Variants in ENOX1 observed in about 807,000 individuals in gnomAD.
The protein encoded by ENOX1 is ecto-NOX disulfide-thiol exchanger 1, also known as candidate growth-related and time keeping constitutive hydroquinone (NADH) oxidase.
ENOX1 carries 42 observed loss-of-function variants against 82.5 expected under a neutral mutation model. The ratio of observed to expected loss-of-function variants is 0.51; its 90% CI spans 0.40 to 0.66. The LOEUF (loss-of-function observed/expected upper bound fraction) is 0.66. ENOX1 is among the 30% of genes least tolerant of loss of function. ENOX1 has a pLI of 0.00. For missense variants in ENOX1, 608 were observed against 811.6 expected (o/e 0.75, Z 3.05); for synonymous variants, 271 against 282.2 (o/e 0.96, Z 0.40).
intron 3 of ENOX1, among the ~76,000 whole-genome samples, chr13:43,439,039 A>AACTTTTTTTTTTTTTTTTTTT (rs1566220724): frequency 8.2e-6 from 1 of 121,740 alleles, no homozygotes; most frequent in Non-Finnish European, 1.9e-5. Flanking sequence ...CTGTCTTTTA[A>AACTTTTTTTTTTTTTTTTTTT]TCTTTTTTTT....
intron 2 of ENOX1, among the ~76,000 whole-genome samples, chr13:43,563,743 A>C (rs1393307086): frequency 6.6e-6 from 1 of 152,110 alleles, no homozygotes; most frequent in Non-Finnish European, 1.5e-5. Flanking sequence ...TACATTGGGA[A>C]ACTTAAAAGA....
chr13:43,310,568 T>C (rs111798246), intron 11 of ENOX1, among the ~76,000 whole-genome samples: 215 of 152,294 alleles, frequency 1.4e-3, no homozygotes, highest in African/African-American at 5.0e-3. Flanking sequence ...AGTGCTTTGT[T>C]AACATGACAC....
At chr13:43,695,326 C>A (rs747928682) in intron 1 of ENOX1, among the ~76,000 whole-genome samples, 6 of 152,102 alleles carry the variant, frequency 3.9e-5, no homozygotes, top group Non-Finnish European at 8.8e-5. Flanking sequence ...CCTCTCTGAG[C>A]CTTGATCTCC....
At chr13:43,706,323 T>C (rs1194925529) in intron 1 of ENOX1, among the ~76,000 whole-genome samples, 1 of 151,452 alleles carries the variant, frequency 6.6e-6, no homozygotes, top group Non-Finnish European at 1.5e-5. Flanking sequence ...AAAGAGACAG[T>C]AATGAATATC....
intron 2 of ENOX1, among the ~76,000 whole-genome samples, chr13:43,520,476 G>A (rs967289942): frequency 3.9e-5 from 6 of 151,992 alleles, no homozygotes; most frequent in East Asian, 1.9e-4. Context: ...AAAACTCTCC[G>A]GTATCACTAA....
intron 1 of ENOX1, among the ~76,000 whole-genome samples, chr13:43,708,193 T>C (rs751798038): frequency 2.4e-4 from 36 of 152,124 alleles, no homozygotes; most frequent in Non-Finnish European, 4.3e-4. Context: ...CTAGGAACAT[T>C]TGTCTGGTGA....
intron 5 of ENOX1, among the ~76,000 whole-genome samples, chr13:43,390,546 G>C (rs1038808407): frequency 6.6e-6 from 1 of 152,024 alleles, no homozygotes; most frequent in Non-Finnish European, 1.5e-5. Context: ...TTCTGTCTCA[G>C]TTTCACCATC....
At chr13:43,634,906 T>C (rs2083355895) in intron 2 of ENOX1, among the ~76,000 whole-genome samples, 1 of 152,192 alleles carries the variant, frequency 6.6e-6, no homozygotes. Flanking sequence ...TCTTAGAACA[T>C]GTTTCTACAT....
At chr13:43,500,041 T>A (rs1159153394) in intron 2 of ENOX1, among the ~76,000 whole-genome samples, 1 of 151,984 alleles carries the variant, frequency 6.6e-6, no homozygotes, top group African/African-American at 2.4e-5. Context: ...GAAAGAAAAG[T>A]GTGAGGAAAT....
chr13:43,492,256 G>C (rs1201063645), intron 2 of ENOX1, among the ~76,000 whole-genome samples: 1 of 152,182 alleles, frequency 6.6e-6, no homozygotes, highest in Non-Finnish European at 1.5e-5. Flanking sequence ...TGCCCCAGTT[G>C]AGCAGAGATG....
rs544191057 is a variant in ENOX1, at chr13:43,245,562, T to C, written c.1612-8824A>G. On this transcript the variant is annotated intron_variant, in intron 14 of 16. Transcript: ENST00000690772. ...ACATAAGAATGCATCCATCCCCCAA[T>C]AGTGAGCAGGATCGCAGGAATTTCC... 9.9e-5 allele frequency among the ~76,000 whole-genome samples: 15 copies of C among 152,256 alleles called. No individual in the cohort carries two copies. In the East Asian group the frequency reaches 1.9e-3, roughly 20 times the overall value.
Position 43,344,683 on chromosome 13 carries a change from C to T in ENOX1, c.891G>A (p.Arg297=), listed in dbSNP as rs2049274016. The change falls in exon 9 of 17, where the codon CGG becomes CGA. Residue 297 remains arginine (R), a synonymous_variant. Coordinates refer to ENST00000690772, the MANE Select transcript of ENOX1 (RefSeq NM_001347969.2). The part of the protein sequence containing the change: ...LSWIERGEVN[R]RSANQFYSMV... ...TGGAATAGAACTGGTTTGCAGAGCG[C>T]CGATTCACTTCCCCTCGTTCAATCC... 1 of 1,614,146 alleles carries T rather than the reference C, an allele frequency of 6.2e-7. No individual in the cohort carries two copies. The highest frequency in any genetic ancestry group is 8.5e-7 in the Non-Finnish European group (1 of 1,180,040).
chr13:43,626,227 CTTTT>C (rs1215274040), intron 2 of ENOX1, among the ~76,000 whole-genome samples: 1 of 151,682 alleles, frequency 6.6e-6, no homozygotes, highest in African/African-American at 2.4e-5. Context: ...TGTATCCTCC[CTTTT>C]TTGTCAGTCT....
chr13:43,349,326 A>G (rs1046563572), intron 8 of ENOX1, among the ~76,000 whole-genome samples: 2 of 152,242 alleles, frequency 1.3e-5, no homozygotes, highest in Non-Finnish European at 2.9e-5. Flanking sequence ...GGCACTAAAC[A>G]GTTTATCAAA....
chr13:43,475,794 C>CAAAAAAAAAAA (rs10624980), intron 3 of ENOX1, among the ~76,000 whole-genome samples: 26 of 70,924 alleles, frequency 3.7e-4, no homozygotes, highest in Non-Finnish European at 4.8e-4. Context: ...CATAACTGAC[C>CAAAAAAAAAAA]AAAAAAAAAA....
intron 2 of ENOX1, among the ~76,000 whole-genome samples, chr13:43,587,525 G>A (rs1356806449): frequency 6.6e-6 from 1 of 152,138 alleles, no homozygotes. Flanking sequence ...TCCCTGACAG[G>A]TGAGAATGGC....
rs550237100 is a variant in ENOX1, at chr13:43,523,879, A to ATT, written c.-218-39729_-218-39728dup. 3.7e-4 allele frequency among the ~76,000 whole-genome samples: 56 copies of ATT among 152,286 alleles called. 1 individual carries two copies. The East Asian group carries it at 0.011, about 29-fold the overall frequency. On this transcript the variant is annotated intron_variant, in intron 2 of 16. Transcript: ENST00000690772. ...ATCACCAGATTCTCCCTGAAAAGTG[A>ATT]TTCACGTGCAGGACATCTTAAGCAG...
At position 43,231,478 on chromosome 13, in the gene ENOX1, C is replaced by A. The variant is rs1404377279; in HGVS notation, c.1714+5158G>T. Among the ~76,000 whole-genome samples the A allele has an allele frequency of 2.0e-5, 3 of 152,162 alleles. No individual in the cohort carries two copies. The East Asian group carries it at 5.8e-4, about 29-fold the overall frequency. ...GTTTATTCCGCTTACTTGGTGAGTACAAAACCTAATCTTGTATGGTTGGTT... is the reference window on the plus strand; with the variant it reads ...GTTTATTCCGCTTACTTGGTGAGTAAAAAACCTAATCTTGTATGGTTGGTT... On this transcript the variant is annotated intron_variant, in intron 15 of 16. Transcript: ENST00000690772.
chr13:43,768,450 A>G (rs182653825), intron 1 of ENOX1, among the ~76,000 whole-genome samples: 86 of 152,242 alleles, frequency 5.6e-4, no homozygotes, highest in Non-Finnish European at 8.2e-4. Flanking sequence ...ACAAAACACA[A>G]CAAAACAAAA....
Sources: gnomAD v4.1 joint callset for allele counts (sites outside exome capture counted in the v4.1 genomes callset) on GRCh38, gnomAD v4.1.1 for gene constraint, MANE v1.5 for transcripts, NCBI Gene and HGNC (gene_info 2026-07-23, HGNC 2026-07-21) for gene names.